The following ADPGK variants were observed in gnomAD, a reference collection of about 807,000 sequenced individuals.
ADPGK encodes ADP-dependent glucokinase.
ADPGK carries 26 observed loss-of-function variants against 42.4 expected under a neutral mutation model. That is an observed-to-expected ratio of 0.61 (90% confidence interval 0.45 to 0.85). ADPGK has a LOEUF of 0.85. ADPGK is among the 40% of genes least tolerant of loss of function. The probability of loss-of-function intolerance (pLI) is 0.00; values close to 1 mark genes in which losing one functional copy is unlikely to be tolerated. For missense variants in ADPGK, 571 were observed against 627.0 expected, an observed-to-expected ratio of 0.91 and a Z score of 0.95; for synonymous variants, 267 against 252.6, an observed-to-expected ratio of 1.06 and a Z score of -0.54.
chr15:72,783,616 C>A lies in ADPGK; in HGVS notation c.76G>T (p.Glu26Ter). Residue 26 changes from glutamate to a stop codon, truncating the protein, a stop_gained, in exon 1 of 7, where the codon GAG (glutamate) becomes TAG (stop). Transcript: ENST00000456471. LOFTEE classifies it high-confidence loss of function. Reference protein sequence around the residue: ...AVGCVFLLEPELPGSALRSLW... With the variant: ...AVGCVFLLEP Reference sequence around the variant, plus strand: ...GAGCGCAGCGCCGAGCCTGGCAGCTCTGGCTCCAGCAGGAAGACGCAGCCC... The same window carrying A: ...GAGCGCAGCGCCGAGCCTGGCAGCTATGGCTCCAGCAGGAAGACGCAGCCC... 6.6e-7 allele frequency: 1 copy of A among 1,516,060 alleles called. No individual in the cohort carries two copies. Among genetic ancestry groups the A allele is most frequent in the South Asian group, 1.2e-5 (1 of 81,752 alleles). The allele number at this position is 1,516,060 out of a possible 1,614,324, so 93.9% of individuals were successfully genotyped here.
intron 1 of ADPGK, among the ~76,000 whole-genome samples, chr15:72,781,402 G>A (rs546524129): frequency 5.5e-4 from 84 of 152,320 alleles, no homozygotes; most frequent in African/African-American, 1.9e-3. Flanking sequence ...AGGCCGACCT[G>A]TTCCCAAACA....
At chr15:72,772,819 G>A (rs1405047444) in intron 2 of ADPGK, among the ~76,000 whole-genome samples, 1 of 152,148 alleles carries the variant, frequency 6.6e-6, no homozygotes, top group Non-Finnish European at 1.5e-5. Flanking sequence ...TCTCTCAGCT[G>A]AGGACCTGGA....
intron 3 of ADPGK, among the ~76,000 whole-genome samples, chr15:72,769,107 G>C (rs534326020): frequency 6.6e-5 from 10 of 152,110 alleles, no homozygotes; most frequent in Non-Finnish European, 1.3e-4. Context: ...CTTGGGCATT[G>C]ATGTAAAAAT....
At chr15:72,763,001 T>G (rs2066213555) in intron 3 of ADPGK, among the ~76,000 whole-genome samples, 1 of 152,064 alleles carries the variant, frequency 6.6e-6, no homozygotes, top group Non-Finnish European at 1.5e-5. Flanking sequence ...GGAATAAACT[T>G]AGTAAGCCCT....
At chr15:72,765,497 T>C (rs1462431058) in intron 3 of ADPGK, among the ~76,000 whole-genome samples, 1 of 152,218 alleles carries the variant, frequency 6.6e-6, no homozygotes, top group African/African-American at 2.4e-5. Context: ...CATAAGGCTA[T>C]AGCTGCCATA....
chr15:72,763,987 C>T (rs1042173830), intron 3 of ADPGK, among the ~76,000 whole-genome samples: 1 of 152,116 alleles, frequency 6.6e-6, no homozygotes, highest in African/African-American at 2.4e-5. Flanking sequence ...GTGTTCTGAC[C>T]ACTCCATGGA....
intron 1 of ADPGK, among the ~76,000 whole-genome samples, chr15:72,776,598 A>G (rs1007578441): frequency 2.6e-5 from 4 of 152,214 alleles, no homozygotes; most frequent in Non-Finnish European, 5.9e-5. Flanking sequence ...GTATATTTCT[A>G]CTTTTAACAT....
At chr15:72,761,173 C>T (rs1466377840) in intron 3 of ADPGK, among the ~76,000 whole-genome samples, 1 of 152,180 alleles carries the variant, frequency 6.6e-6, no homozygotes, top group African/African-American at 2.4e-5. Context: ...CTTGAGCCCC[C>T]AAGTCTATGG....
Position 72,771,863 on chromosome 15 carries a change from G to A in ADPGK, c.460-18C>T, listed in dbSNP as rs756933309. ...ACATAGTGCTGTAAGAGAGTTCAAG[G>A]CTTTTAGACAGTATTTTAATACAAC... On this transcript the variant is annotated intron_variant, in intron 2 of 6. Transcript: ENST00000456471. The A allele has an allele frequency of 6.3e-7, 1 of 1,581,486 alleles. No individual in the cohort carries two copies.
At chr15:72,756,591 TA>T (rs1454715334) in intron 4 of ADPGK, 144 bp from the exon 5 acceptor site, 3 of 822,960 alleles carry the variant, frequency 3.6e-6, no homozygotes, top group Non-Finnish European at 5.6e-6. Context: ...AACAATGGCC[TA>T]AGGTCAGCAT....
Position 72,752,692 on chromosome 15 carries a change from G to T in ADPGK, c.1143C>A (p.Phe381Leu), listed in dbSNP as rs376013749. Reference protein sequence around the residue: ...SRASDLTRIHFHTLVYHILAT... With the variant: ...SRASDLTRIHLHTLVYHILAT... The stretch of plus-strand genomic sequence containing the variant: ...CCAGGATGTGGTAGACCAGCGTGTG[G>T]AAATGGATCCTGGTGAGATCCGAGG... The change falls in exon 7 of 7, where the codon TTC (phenylalanine) becomes TTA (leucine). Residue 381 changes from phenylalanine to leucine, a missense_variant. Physicochemically the swap from Phe to Leu is conservative, Grantham distance 22 (BLOSUM62 0). This residue lies in a region of ADPGK where 434 missense variants were observed against 522.7 expected (regional missense o/e 0.83). Coordinates refer to ENST00000456471, the MANE Select transcript of ADPGK (RefSeq NM_001365225.1). 1.5e-5 allele frequency: 25 copies of T among 1,614,186 alleles called. No individual in the cohort carries two copies. Among genetic ancestry groups the T allele is most frequent in the Admixed American group, 6.7e-5 (4 of 60,022 alleles).
intron 3 of ADPGK, among the ~76,000 whole-genome samples, 183 bp downstream of exon 3, chr15:72,771,600 T>C (rs2066329296): frequency 6.6e-6 from 1 of 152,170 alleles, no homozygotes; most frequent in Non-Finnish European, 1.5e-5. Flanking sequence ...AGGCACAGAG[T>C]AAACACTCAA....
chr15:72,783,340 G>A, intron 1 of ADPGK, 119 bp downstream of exon 1: 2 of 1,290,208 alleles, frequency 1.6e-6, no homozygotes. Flanking sequence ...TCGCCAAGGG[G>A]CCAGCGCGGA....
In ADPGK at chr15:72,775,073, C is replaced by T. The variant is rs771755319; in HGVS notation, c.258G>A (p.Val86=). The T allele has an allele frequency of 6.2e-7, 1 of 1,613,984 alleles. No homozygotes were observed. Among genetic ancestry groups the T allele is most frequent in the African/African-American group, 1.3e-5 (1 of 74,874 alleles). ...CCTGCAAGAGCTTCACCCCTGAGAG[C>T]ACCACATCAACACATGCATTGACTC... is the stretch of plus-strand genomic sequence containing the variant. ...AVGVNACVDV[V]LSGVKLLQAL... The change falls in exon 2 of 7, where the codon GTG becomes GTA. Residue 86 remains valine (V), a synonymous_variant. Coordinates refer to ENST00000456471, the MANE Select transcript of ADPGK (RefSeq NM_001365225.1).
chr15:72,756,396 G>A lies in ADPGK; in HGVS notation c.695C>T (p.Ser232Phe). The change falls in exon 5 of 7, where the codon TCT becomes TTT. Residue 232 changes from serine (S) to phenylalanine (F), a missense_variant. Physicochemically the swap from Ser to Phe is radical, Grantham distance 155 (BLOSUM62 -2). Around this residue, in one of 2 missense-constraint regions of ADPGK, gnomAD observed 434 missense variants for 522.7 expected, o/e 0.83. Transcript: ENST00000456471. ...CATGGCCCCGTTGGAGAGGTCGTGA[G>A]AGAAGATGAATCGGTTGGCATGGGG... ...KAPHANRFIFSHDLSNGAMNM... is the reference protein window; with the variant it reads ...KAPHANRFIFFHDLSNGAMNM... 5.6e-6 allele frequency: 9 copies of A among 1,614,206 alleles called. No homozygotes were observed. Among genetic ancestry groups the A allele is most frequent in the Non-Finnish European group, 7.6e-6 (9 of 1,180,042 alleles).
intron 3 of ADPGK, among the ~76,000 whole-genome samples, chr15:72,766,214 C>A (rs575229856): frequency 6.6e-5 from 10 of 152,166 alleles, no homozygotes; most frequent in Admixed American, 5.2e-4. Context: ...TCAAGTGATC[C>A]TCCTGCCTCA....
In ADPGK at chr15:72,783,531, T is replaced by C. The variant is rs1231411650; in HGVS notation, c.161A>G (p.Glu54Gly). ...GTCCCAGGCTGCCGCCAACCGGCCC[T>C]CGGGGGAGACGGGTCCCGGGGGCGC... ...APAPPGPVSP[E>G]GRLAAAWDAL... is the part of the protein sequence containing the mutation. The change falls in exon 1 of 7, where the codon GAG becomes GGG. Residue 54 changes from glutamate (E) to glycine (G), a missense_variant. Glu to Gly is a moderately conservative substitution (Grantham distance 98). Coordinates refer to ENST00000456471, the MANE Select transcript of ADPGK (RefSeq NM_001365225.1). 2 of 1,485,720 alleles carry C rather than the reference T, an allele frequency of 1.3e-6. No homozygotes were observed. The highest frequency in any genetic ancestry group is 1.3e-5 in the South Asian group (1 of 79,104). 92.0% of individuals were successfully genotyped at this position (1,485,720 alleles called of 1,614,324 possible). A position where few individuals can be genotyped will look rare whatever the true frequency, so the allele number is the denominator to read the frequency against.
chr15:72,778,992 A>C (rs184896023), intron 1 of ADPGK, among the ~76,000 whole-genome samples: 279 of 152,340 alleles, frequency 1.8e-3, no homozygotes, highest in African/African-American at 6.5e-3. Context: ...GAGTGAGGCC[A>C]TGGATTAACT....
chr15:72,768,696 G>A (rs1315338254), intron 3 of ADPGK, among the ~76,000 whole-genome samples: 1 of 151,952 alleles, frequency 6.6e-6, no homozygotes, highest in African/African-American at 2.4e-5. Context: ...GAGAAGATAG[G>A]TGTGGTGGCT....
Sources: gnomAD v4.1 joint callset for allele counts (sites outside exome capture counted in the v4.1 genomes callset) on GRCh38, gnomAD v4.1.1 for gene constraint, gnomAD v4.1.1 regional missense constraint, MANE v1.5 for transcripts, NCBI Gene and HGNC (gene_info 2026-07-23, HGNC 2026-07-21) for gene names.